Variants in XIRP2 observed in about 807,000 individuals in gnomAD.
XIRP2 encodes xin actin binding repeat containing 2.
A neutral mutation model predicts 277.0 loss-of-function variants in XIRP2; 236 were observed. That is an observed-to-expected ratio of 0.85 (90% CI 0.77 to 0.95). The LOEUF is 0.95. XIRP2 is among the 40% of genes least tolerant of loss of function. XIRP2 has a pLI of 0.00. For missense variants in XIRP2, 4,640 were observed against 4,157.5 expected, an observed-to-expected ratio of 1.12 and a Z score of -3.19; for synonymous variants, 1,490 against 1,416.5, an observed-to-expected ratio of 1.05 and a Z score of -1.17.
Position 167,250,040 on chromosome 2 carries a change from A to G in XIRP2, c.8648A>G (p.His2883Arg), listed in dbSNP as rs773451122. The change falls in exon 9 of 11, where the codon CAT becomes CGT. Residue 2883 changes from histidine to arginine, a missense_variant. By Grantham distance (29) the His-to-Arg change is conservative. Coordinates refer to ENST00000409195, the MANE Select transcript of XIRP2 (RefSeq NM_152381.6). ...CAGACCGCTGAAAGTAAAGCTGAAC[A>G]TAAAAAATTGCCCCAGCCATATAAT... The part of the protein sequence containing the change: ...QIQTAESKAE[H>R]KKLPQPYNSL... 12 of 1,613,560 alleles carry G rather than the reference A, an allele frequency of 7.4e-6. No homozygotes were observed. Among genetic ancestry groups the G allele is most frequent in the Middle Eastern group, 1.6e-4 (1 of 6,080 alleles).
chr2:167,181,979 G>C (rs1693027443), intron 3 of XIRP2, among the ~76,000 whole-genome samples: 2 of 152,036 alleles, frequency 1.3e-5, no homozygotes, highest in Non-Finnish European at 2.9e-5. Context: ...CCCCTGGCTT[G>C]CATGATAAAT....
chr2:166,913,310 A>ACCCC (rs58517509), intron 2 of XIRP2, among the ~76,000 whole-genome samples: 3 of 114,978 alleles, frequency 2.6e-5, no homozygotes, highest in South Asian at 2.8e-4. Flanking sequence ...AATGGTGGGC[A>ACCCC]CCCCCCCCCC....
chr2:166,921,656 A>G (rs1229691447), intron 2 of XIRP2, among the ~76,000 whole-genome samples: 2 of 152,216 alleles, frequency 1.3e-5, no homozygotes, highest in Non-Finnish European at 2.9e-5. Flanking sequence ...AGCATAGGGT[A>G]TATAATCTTT....
Position 166,999,201 on chromosome 2 carries a change from T to G in XIRP2, c.408+95311T>G, listed in dbSNP as rs76097810. On this transcript the variant is annotated intron_variant, in intron 2 of 10. Transcript: ENST00000409195. ...ATTTATATGCCAAGAAAGAGCAGTT[T>G]AAGAAATAGCTTTATTTTGATACCA... is the stretch of plus-strand genomic sequence containing the variant. Among the ~76,000 whole-genome samples the G allele has an allele frequency of 1.5e-3, 233 of 152,248 alleles. 10 individuals carry two copies. In the East Asian group the frequency reaches 0.039, roughly 26 times the overall value.
At chr2:166,997,917 AAG>A (rs1361751127) in intron 2 of XIRP2, among the ~76,000 whole-genome samples, 125 of 150,554 alleles carry the variant, frequency 8.3e-4, no homozygotes, top group African/African-American at 2.8e-3. Context: ...AAAAAAAAAA[AAG>A]AAGAAGAAGT....
At chr2:167,175,407 T>C (rs192467633) in intron 3 of XIRP2, among the ~76,000 whole-genome samples, 1 of 152,270 alleles carries the variant, frequency 6.6e-6, no homozygotes, top group Non-Finnish European at 1.5e-5. Context: ...GCTGCAGGTG[T>C]GCTGGAGTTT....
intron 4 of XIRP2, among the ~76,000 whole-genome samples, chr2:167,213,827 G>A (rs533128391): frequency 9.2e-5 from 14 of 152,208 alleles, no homozygotes; most frequent in African/African-American, 3.1e-4. Context: ...CCTTAGCACC[G>A]CCACTGAACC....
intron 2 of XIRP2, among the ~76,000 whole-genome samples, chr2:167,016,244 T>C (rs1045075052): frequency 2.0e-5 from 3 of 151,948 alleles, no homozygotes; most frequent in Admixed American, 6.6e-5. Flanking sequence ...CTGTTGATTA[T>C]TGCATATCTC....
intron 3 of XIRP2, among the ~76,000 whole-genome samples, chr2:167,179,286 C>T (rs1421884407): frequency 6.6e-6 from 1 of 151,522 alleles, no homozygotes; most frequent in Non-Finnish European, 1.5e-5. Flanking sequence ...TAGTCGCTTC[C>T]CCAGTGAGGA....
intron 3 of XIRP2, among the ~76,000 whole-genome samples, chr2:167,176,547 TG>T (rs1356317250): frequency 6.6e-6 from 1 of 152,240 alleles, no homozygotes; most frequent in East Asian, 1.9e-4. Flanking sequence ...TTTTCTTTTA[TG>T]GTAGGTCACG....
chr2:167,023,249 T>C (rs1193337718), intron 2 of XIRP2, among the ~76,000 whole-genome samples: 7 of 152,228 alleles, frequency 4.6e-5, no homozygotes, highest in Non-Finnish European at 1.0e-4. Context: ...TGCATAAATG[T>C]CTTCTTTTGA....
intron 3 of XIRP2, among the ~76,000 whole-genome samples, chr2:167,189,235 GTCTC>G (rs980690696): frequency 3.9e-5 from 6 of 152,162 alleles, no homozygotes; most frequent in African/African-American, 1.4e-4. Context: ...ATATATTTCT[GTCTC>G]TCTCTTTCTC....
At chr2:167,008,971 T>C (rs1360298053) in intron 2 of XIRP2, among the ~76,000 whole-genome samples, 1 of 151,492 alleles carries the variant, frequency 6.6e-6, no homozygotes, top group African/African-American at 2.4e-5. Flanking sequence ...ATCGCAATAA[T>C]ATTTTTCAAT....
At chr2:167,150,765 T>G (rs1691994419) in intron 3 of XIRP2, among the ~76,000 whole-genome samples, 1 of 152,070 alleles carries the variant, frequency 6.6e-6, no homozygotes, top group Non-Finnish European at 1.5e-5. Context: ...TTTATAGTAC[T>G]ATGATTAGCA....
intron 2 of XIRP2, among the ~76,000 whole-genome samples, chr2:166,911,769 A>G (rs1375859736): frequency 6.6e-6 from 1 of 152,146 alleles, no homozygotes; most frequent in Admixed American, 6.5e-5. Context: ...TTCCATGTTT[A>G]GTGCTTCCTT....
At chr2:167,061,595 G>T (rs1689175535) in intron 2 of XIRP2, among the ~76,000 whole-genome samples, 1 of 151,812 alleles carries the variant, frequency 6.6e-6, no homozygotes, top group South Asian at 2.1e-4. Flanking sequence ...TGAAAATATG[G>T]TCTTTACAGT....
chr2:167,052,998 A>G (rs1194959516), intron 2 of XIRP2, among the ~76,000 whole-genome samples: 1 of 152,204 alleles, frequency 6.6e-6, no homozygotes, highest in African/African-American at 2.4e-5. Context: ...CTGAGATTCT[A>G]TGTGGAACAC....
chr2:167,111,353 T>C (rs1195120865), intron 2 of XIRP2, among the ~76,000 whole-genome samples: 1 of 152,186 alleles, frequency 6.6e-6, no homozygotes, highest in East Asian at 1.9e-4. Flanking sequence ...GATTCTTTCA[T>C]GCCAAGTTTA....
At chr2:167,168,646 G>A (rs868820222) in intron 3 of XIRP2, among the ~76,000 whole-genome samples, 11 of 151,942 alleles carry the variant, frequency 7.2e-5, no homozygotes, top group African/African-American at 2.2e-4. Context: ...ACGGAGTCTC[G>A]CTCTGTCGCC....
Sources: allele counts gnomAD v4.1 joint callset (sites outside exome capture counted in the v4.1 genomes callset), GRCh38; gene constraint gnomAD v4.1.1; transcripts MANE v1.5; gene names NCBI Gene and HGNC (gene_info 2026-07-23, HGNC 2026-07-21).